The following STPG2 variants were observed in gnomAD, a reference collection of about 807,000 sequenced individuals.
The protein encoded by STPG2 is sperm tail PG-rich repeat containing 2.
A neutral mutation model predicts 54.2 loss-of-function variants in STPG2; 56 were observed. The observed-to-expected ratio is 1.03, with a 90% CI of 0.83 to 1.29. The LOEUF (loss-of-function observed/expected upper bound fraction) is 1.29. Among genes scored for constraint, STPG2 ranks in the 50% most tolerant of loss-of-function variants. STPG2 has a pLI of 0.00. For missense variants in STPG2, 596 were observed against 544.9 expected, an observed-to-expected ratio of 1.09 and a Z score of -0.93; for synonymous variants, 200 against 181.8, an observed-to-expected ratio of 1.10 and a Z score of -0.81.
intron 10 of STPG2, among the ~76,000 whole-genome samples, chr4:97,596,405 A>C (rs936534465): frequency 1.3e-5 from 2 of 152,168 alleles, no homozygotes; most frequent in Non-Finnish European, 2.9e-5. Context: ...TTGACACTTG[A>C]CCAAGCTACC....
chr4:97,902,425 A>C (rs1560579436), intron 8 of STPG2, among the ~76,000 whole-genome samples: 1 of 152,184 alleles, frequency 6.6e-6, no homozygotes, highest in Non-Finnish European at 1.5e-5. Context: ...TAATCTTCAA[A>C]ACATACAAAG....
chr4:98,113,725 A>C (rs1739425249), intron 3 of STPG2, among the ~76,000 whole-genome samples: 1 of 152,034 alleles, frequency 6.6e-6, no homozygotes, highest in Non-Finnish European at 1.5e-5. Context: ...AATTTGATAC[A>C]CAATTCCAAA....
intron 8 of STPG2, among the ~76,000 whole-genome samples, chr4:97,890,763 T>C (rs1264907401): frequency 6.6e-6 from 1 of 151,990 alleles, no homozygotes; most frequent in Non-Finnish European, 1.5e-5. Context: ...CATTATACAC[T>C]ATATAAAGGT....
intron 5 of STPG2, among the ~76,000 whole-genome samples, chr4:98,050,617 C>G (rs1421690379): frequency 6.6e-6 from 1 of 152,106 alleles, no homozygotes; most frequent in African/African-American, 2.4e-5. Flanking sequence ...CCTACAAAAG[C>G]TCATCTCTAA....
chr4:97,840,638 GAGAAAAATGGTTT>G, intron 9 of STPG2, 122 bp downstream of exon 9: 1 of 938,394 alleles, frequency 1.1e-6, no homozygotes, highest in Non-Finnish European at 1.6e-6. Flanking sequence ...CAGCACTGAT[GAGAAAAATGGTTT>G]TGTTATACAT....
At chr4:97,831,206 A>G (rs887722263) in intron 9 of STPG2, among the ~76,000 whole-genome samples, 1 of 152,236 alleles carries the variant, frequency 6.6e-6, no homozygotes, top group Admixed American at 6.5e-5. Flanking sequence ...ACTAGAACTC[A>G]GGATTAAAAG....
intron 9 of STPG2, among the ~76,000 whole-genome samples, chr4:97,757,007 CAT>C (rs1167361663): frequency 3.3e-5 from 5 of 152,262 alleles, no homozygotes; most frequent in Non-Finnish European, 5.9e-5. Context: ...CTACACCAAT[CAT>C]GTGTAAGAGG....
intron 9 of STPG2, among the ~76,000 whole-genome samples, chr4:97,758,011 T>C (rs940723765): frequency 1.8e-4 from 28 of 152,216 alleles, no homozygotes; most frequent in Non-Finnish European, 2.6e-4. Flanking sequence ...AAAATTATTA[T>C]GGTTATTATT....
chr4:97,575,283 C>CA (rs1732696537), intron 10 of STPG2, among the ~76,000 whole-genome samples: 1 of 152,046 alleles, frequency 6.6e-6, no homozygotes, highest in Non-Finnish European at 1.5e-5. Context: ...CTCCCCAACT[C>CA]ATTCTACAAA....
intron 8 of STPG2, among the ~76,000 whole-genome samples, chr4:97,936,069 G>A (rs1010265090): frequency 1.2e-4 from 19 of 152,088 alleles, no homozygotes; most frequent in African/African-American, 4.6e-4. Flanking sequence ...CTCCTGTATT[G>A]GGTGCATATA....
chr4:97,865,771 G>C (rs1226766889), intron 8 of STPG2, among the ~76,000 whole-genome samples: 1 of 151,840 alleles, frequency 6.6e-6, no homozygotes, highest in African/African-American at 2.4e-5. Flanking sequence ...TAATGGTGCA[G>C]CACACCAACA....
chr4:97,815,829 T>C (rs964154688), intron 9 of STPG2, among the ~76,000 whole-genome samples: 5 of 152,180 alleles, frequency 3.3e-5, no homozygotes, highest in African/African-American at 1.2e-4. Context: ...AGACTTGTGA[T>C]AGCTAATTTC....
intron 4 of STPG2, among the ~76,000 whole-genome samples, chr4:97,552,543 A>G (rs1731988011): frequency 6.6e-6 from 1 of 152,084 alleles, no homozygotes; most frequent in Non-Finnish European, 1.5e-5. Context: ...ATTTTCAATT[A>G]CCAAAATGTG....
At chr4:97,558,614 G>C (rs1387324373), downstream of STPG2, among the ~76,000 whole-genome samples, 2 of 152,128 alleles carry the variant, frequency 1.3e-5, no homozygotes, top group Non-Finnish European at 2.9e-5. Context: ...TAAAGCTTCA[G>C]TCTGACAGCC....
chr4:97,798,490 G>A (rs1434630149), intron 9 of STPG2, among the ~76,000 whole-genome samples: 2 of 152,142 alleles, frequency 1.3e-5, no homozygotes, highest in Non-Finnish European at 2.9e-5. Context: ...CAGTTGAGCG[G>A]TTTTCAGTGA....
At chr4:97,974,792 C>T (rs1478374008) in intron 6 of STPG2, among the ~76,000 whole-genome samples, 1 of 152,104 alleles carries the variant, frequency 6.6e-6, no homozygotes, top group African/African-American at 2.4e-5. Flanking sequence ...TTGTAAATTG[C>T]CCAGTCTCGG....
intron 5 of STPG2, among the ~76,000 whole-genome samples, chr4:98,053,425 A>G (rs1358658533): frequency 1.3e-5 from 2 of 152,142 alleles, no homozygotes; most frequent in Non-Finnish European, 2.9e-5. Flanking sequence ...ATCCTTTAAT[A>G]TTCTGGATTC....
chr4:98,023,676 C>G (rs1021281792), intron 5 of STPG2, among the ~76,000 whole-genome samples: 7 of 152,168 alleles, frequency 4.6e-5, no homozygotes, highest in African/African-American at 1.7e-4. Context: ...CTGTGGTGGG[C>G]TCCACCCAGT....
At chr4:98,090,537 A>G in intron 5 of STPG2, among the ~76,000 whole-genome samples, 1 of 151,740 alleles carries the variant, frequency 6.6e-6, no homozygotes, top group Non-Finnish European at 1.5e-5. Context: ...TTGGCTATGC[A>G]GGCTTTTTTT....
Sources: allele counts gnomAD v4.1 joint callset (sites outside exome capture counted in the v4.1 genomes callset), GRCh38; gene constraint gnomAD v4.1.1; transcripts MANE v1.5; gene names NCBI Gene and HGNC (gene_info 2026-07-23, HGNC 2026-07-21).